Variants in WDR25 observed in about 807,000 individuals in gnomAD.
The protein encoded by WDR25 is WD repeat domain 25, also known as WD repeat-containing protein 25.
WDR25 carries 35 observed loss-of-function variants against 47.7 expected under a neutral mutation model. The ratio of observed to expected loss-of-function variants is 0.73; its 90% CI spans 0.56 to 0.97. The LOEUF (loss-of-function observed/expected upper bound fraction) is 0.97. WDR25 is among the 50% of genes least tolerant of loss of function. The pLI is 0.00. For synonymous variants in WDR25, 248 were observed against 278.9 expected (o/e 0.89, Z 1.10); for missense variants, 634 against 704.7 (o/e 0.90, Z 1.14).
chr14:100,418,766 C>T (rs372246195), intron 2 of WDR25, among the ~76,000 whole-genome samples: 4 of 147,036 alleles, frequency 2.7e-5, no homozygotes, highest in Admixed American at 6.8e-5. Flanking sequence ...GTGGCGGTGG[C>T]GGGGGGGGGT....
intron 3 of WDR25, among the ~76,000 whole-genome samples, chr14:100,482,365 T>C (rs1244243526): frequency 6.6e-6 from 1 of 152,256 alleles, no homozygotes; most frequent in East Asian, 1.9e-4. Context: ...TTAATAAGGG[T>C]ATATTAAAAT....
At chr14:100,505,587 C>T (rs1326861954) in intron 4 of WDR25, among the ~76,000 whole-genome samples, 1 of 152,150 alleles carries the variant, frequency 6.6e-6, no homozygotes, top group Non-Finnish European at 1.5e-5. Flanking sequence ...ATTCGTATTT[C>T]AATTTTACAA....
chr14:100,518,844 A>G (rs932539005), intron 4 of WDR25, among the ~76,000 whole-genome samples: 1 of 151,942 alleles, frequency 6.6e-6, no homozygotes, highest in Non-Finnish European at 1.5e-5. Flanking sequence ...CAGTGAGCCA[A>G]GATCGTGCCA....
At chr14:100,492,715 G>A (rs1900606388) in intron 4 of WDR25, among the ~76,000 whole-genome samples, 1 of 151,836 alleles carries the variant, frequency 6.6e-6, no homozygotes, top group African/African-American at 2.4e-5. Flanking sequence ...TACAATTCTT[G>A]TACTTGAAAA....
At chr14:100,408,249 G>C (rs1230124928) in intron 2 of WDR25, among the ~76,000 whole-genome samples, 1 of 152,110 alleles carries the variant, frequency 6.6e-6, no homozygotes, top group African/African-American at 2.4e-5. Context: ...TGGGATGCTT[G>C]TGTTACCCCT....
In WDR25 at chr14:100,440,937, A is replaced by G. The variant is rs936079673; in HGVS notation, c.823-27084A>G. Among the ~76,000 whole-genome samples, 3 of 152,178 alleles carry G rather than the reference A, an allele frequency of 2.0e-5. No homozygotes were observed. The highest frequency in any genetic ancestry group is 4.8e-5 in the African/African-American group (2 of 41,448). On this transcript the variant is annotated intron_variant, in intron 2 of 6. Coordinates refer to ENST00000402312, the MANE Select transcript of WDR25 (RefSeq NM_001161476.3). This position sits in a 1 kb window ranked among gnomAD's most constrained non-coding sequence, Gnocchi z 4.4. ...TAATTGACATTTTTTATTAACCCTGAAATGATTAAAGATGCTGCTGCTGAA... is the reference window on the plus strand; with the variant it reads ...TAATTGACATTTTTTATTAACCCTGGAATGATTAAAGATGCTGCTGCTGAA...
intron 4 of WDR25, among the ~76,000 whole-genome samples, chr14:100,492,395 C>T (rs926595703): frequency 1.3e-5 from 2 of 152,210 alleles, no homozygotes; most frequent in Non-Finnish European, 2.9e-5. Context: ...GTTTAAAACC[C>T]ATGAGCTGCC....
Position 100,525,373 on chromosome 14 carries a change from A to G in WDR25, c.1102-497A>G, listed in dbSNP as rs2030070223. Among the ~76,000 whole-genome samples, 1 of 152,246 alleles carries G rather than the reference A, an allele frequency of 6.6e-6. No individual in the cohort carries two copies. Among genetic ancestry groups the G allele is most frequent in the African/African-American group, 2.4e-5 (1 of 41,472 alleles). On this transcript the variant is annotated intron_variant, in intron 4 of 6. Coordinates refer to ENST00000402312, the MANE Select transcript of WDR25 (RefSeq NM_001161476.3). The surrounding 1 kb of genome is among the most constrained non-coding windows in gnomAD (Gnocchi z 4.6). ...AATACAAAGTGTCGTTAAAGCTAAA[A>G]TATGTCCTGTGATTCTGGCTTTATG...
Position 100,381,676 on chromosome 14 carries a change from C to T in WDR25, c.752C>T (p.Thr251Ile), listed in dbSNP as rs1896905143. ...AGAGGCCACAGGGGCCCTGTCAACA[C>T]CATTCAGTGGTGTCCAGTCCTTTCT... ...HLRGHRGPVN[T>I]IQWCPVLSKS... The change falls in exon 2 of 7, where the codon ACC becomes ATC. Residue 251 changes from threonine (T) to isoleucine (I), a missense_variant. By Grantham distance (89) the Thr-to-Ile change is moderately conservative. Transcript: ENST00000402312. 1 of 1,614,208 alleles carries T rather than the reference C, an allele frequency of 6.2e-7. No homozygotes were observed. Among genetic ancestry groups the T allele is most frequent in the East Asian group, 2.2e-5 (1 of 44,884 alleles).
chr14:100,381,860 G>C (rs1277569802), intron 2 of WDR25, 114 bp downstream of exon 2: 10 of 877,296 alleles, frequency 1.1e-5, no homozygotes, highest in Non-Finnish European at 1.5e-5. Flanking sequence ...GCAGATTTCT[G>C]TAATTCCCTT....
chr14:100,377,160 C>A (rs1896716063), intron 1 of WDR25, among the ~76,000 whole-genome samples: 1 of 152,222 alleles, frequency 6.6e-6, no homozygotes, highest in Non-Finnish European at 1.5e-5. Context: ...TTGAGAGTGG[C>A]CTCGGGACCA....
At chr14:100,403,820 T>C (rs772423564) in intron 2 of WDR25, among the ~76,000 whole-genome samples, 3 of 152,188 alleles carry the variant, frequency 2.0e-5, no homozygotes, top group Non-Finnish European at 4.4e-5. Flanking sequence ...CATGAAGTGC[T>C]TGGCCCTCAG....
intron 2 of WDR25, among the ~76,000 whole-genome samples, chr14:100,456,451 A>C (rs1899206557): frequency 6.6e-6 from 1 of 152,276 alleles, no homozygotes. Context: ...GGCACAGATG[A>C]TACAATGAGT....
chr14:100,502,983 ATG>A lies in WDR25; in HGVS notation c.1101+18869_1101+18870del, dbSNP rs770361947. Among the ~76,000 whole-genome samples the A allele has an allele frequency of 1.3e-5, 2 of 151,250 alleles. No individual in the cohort carries two copies. On this transcript the variant is annotated intron_variant, in intron 4 of 6. Transcript: ENST00000402312. This position sits in a 1 kb window ranked among gnomAD's most constrained non-coding sequence, Gnocchi z 4.5. ...TGTGTGTCTGTATGTGTGTCGGTGC[ATG>A]TGTGTGTGTCCATCCATGCATGTGT...
intron 2 of WDR25, among the ~76,000 whole-genome samples, chr14:100,438,849 G>A (rs953604632): frequency 6.6e-6 from 1 of 152,274 alleles, no homozygotes; most frequent in Non-Finnish European, 1.5e-5. Context: ...GAGAGGTACA[G>A]TGATATGCTC....
Position 100,525,468 on chromosome 14 carries a change from A to C in WDR25, c.1102-402A>C, listed in dbSNP as rs954095107. 1.3e-5 allele frequency among the ~76,000 whole-genome samples: 2 copies of C among 152,264 alleles called. No homozygotes were observed. Among genetic ancestry groups the C allele is most frequent in the East Asian group, 3.9e-4 (2 of 5,168 alleles). On this transcript the variant is annotated intron_variant, in intron 4 of 6. Transcript: ENST00000402312. This position sits in a 1 kb window ranked among gnomAD's most constrained non-coding sequence, Gnocchi z 4.6. ...TGGGACAACAATCTGGGACTTTGCA[A>C]GCTGTGAATTATGTGACGTCTTCAG...
intron 4 of WDR25, among the ~76,000 whole-genome samples, chr14:100,505,488 C>T (rs914943273): frequency 2.6e-5 from 4 of 152,106 alleles, no homozygotes; most frequent in African/African-American, 9.7e-5. Context: ...GTTACTGTAG[C>T]TTTATAATAA....
At chr14:100,474,094 C>T (rs1373357015) in intron 3 of WDR25, among the ~76,000 whole-genome samples, 1 of 152,172 alleles carries the variant, frequency 6.6e-6, no homozygotes, top group Non-Finnish European at 1.5e-5. Flanking sequence ...CCTTTATGTG[C>T]CTCCTTGTCC....
chr14:100,483,859 G>T, intron 3 of WDR25, 135 bp from the exon 4 acceptor site: 1 of 1,064,180 alleles, frequency 9.4e-7, no homozygotes, highest in Non-Finnish European at 1.3e-6. Context: ...TTTCCAAAAA[G>T]TGTCCATTGG....
Sources: allele counts gnomAD v4.1 joint callset (sites outside exome capture counted in the v4.1 genomes callset), GRCh38; gene constraint gnomAD v4.1.1; non-coding constraint Gnocchi (gnomAD v3.1); transcripts MANE v1.5; gene names NCBI Gene and HGNC (gene_info 2026-07-23, HGNC 2026-07-21).